PDE4D: variants seen among roughly 807,000 people sequenced by gnomAD.
PDE4D encodes 3',5'-cyclic-AMP phosphodiesterase 4D.
Under a neutral mutation model 87.4 loss-of-function variants are expected in PDE4D, and 24 were observed. The ratio of observed to expected loss-of-function variants is 0.27; its 90% CI spans 0.20 to 0.39. The LOEUF (loss-of-function observed/expected upper bound fraction) is 0.39. PDE4D is among the 10% of genes least tolerant of loss of function. The pLI is 1.00. For synonymous variants in PDE4D, 384 were observed against 383.2 expected (o/e 1.00, Z -0.02); for missense variants, 714 against 1,041.0 (o/e 0.69, Z 4.32).
At chr5:59,528,902 T>C in intron 1 of PDE4D, 1 of 347,748 alleles carries the variant, frequency 2.9e-6, no homozygotes, top group Non-Finnish European at 5.8e-6. Flanking sequence ...CTGGCCACTC[T>C]GCCCTTGACC....
At chr5:59,244,023 T>C (rs1378319413) in intron 1 of PDE4D, among the ~76,000 whole-genome samples, 3 of 152,142 alleles carry the variant, frequency 2.0e-5, no homozygotes, top group Non-Finnish European at 4.4e-5. Flanking sequence ...TTTTATTACA[T>C]GTAAAATGGA....
chr5:59,730,269 G>A (rs891690168), intron 1 of PDE4D, among the ~76,000 whole-genome samples: 1 of 152,056 alleles, frequency 6.6e-6, no homozygotes, highest in Non-Finnish European at 1.5e-5. Flanking sequence ...GTTCCGATAC[G>A]TGCAAAGCTT....
intron 1 of PDE4D, among the ~76,000 whole-genome samples, chr5:59,766,520 T>G (rs1762814652): frequency 6.6e-6 from 1 of 152,232 alleles, no homozygotes; most frequent in South Asian, 2.1e-4. Context: ...AACCTCCAGC[T>G]GAACTCTAGG....
intron 1 of PDE4D, among the ~76,000 whole-genome samples, chr5:60,340,765 AAAC>A (rs1332922728): frequency 6.6e-6 from 1 of 152,226 alleles, no homozygotes; most frequent in Non-Finnish European, 1.5e-5. Flanking sequence ...AGAAGAGTTT[AAAC>A]AATCCAATTA....
intron 2 of PDE4D, among the ~76,000 whole-genome samples, chr5:60,153,153 T>C (rs1386771049): frequency 6.6e-6 from 1 of 152,224 alleles, no homozygotes; most frequent in African/African-American, 2.4e-5. Context: ...ATCCAAAATA[T>C]ATTTGGAACC....
chr5:59,574,123 TATATTTATATATATATATATAA>T (rs1347077698), intron 1 of PDE4D, among the ~76,000 whole-genome samples: 1,102 of 5,952 alleles, frequency 0.19, 34 homozygotes, highest in African/African-American at 0.26. Flanking sequence ...TATATAAATA[TATATTTATATATATATATATAA>T]ATATATATTT....
At chr5:59,310,621 C>T (rs1772396820) in intron 1 of PDE4D, among the ~76,000 whole-genome samples, 2 of 152,168 alleles carry the variant, frequency 1.3e-5, no homozygotes, top group South Asian at 2.1e-4. Context: ...TCTTCCTCTA[C>T]ACTGAGAAGA....
chr5:59,585,308 A>T (rs1392119395), intron 1 of PDE4D, among the ~76,000 whole-genome samples: 1 of 152,200 alleles, frequency 6.6e-6, no homozygotes, highest in Admixed American at 6.5e-5. Context: ...TGGTACCTTA[A>T]GCTCTCAGGG....
At chr5:60,111,871 A>G (rs1777724629) in intron 2 of PDE4D, among the ~76,000 whole-genome samples, 1 of 152,012 alleles carries the variant, frequency 6.6e-6, no homozygotes, top group Non-Finnish European at 1.5e-5. Flanking sequence ...CAAATACTTT[A>G]TTCCCAGACT....
chr5:60,429,851 T>G (rs937160829), intron 1 of PDE4D: 4 of 343,162 alleles, frequency 1.2e-5, no homozygotes, highest in African/African-American at 2.2e-5. Flanking sequence ...TTTTTTTGTT[T>G]TTTTTTTTAA....
At chr5:60,035,841 A>C (rs1162539492) in intron 2 of PDE4D, among the ~76,000 whole-genome samples, 1 of 152,120 alleles carries the variant, frequency 6.6e-6, no homozygotes, top group African/African-American at 2.4e-5. Flanking sequence ...AAAACTCAAT[A>C]CCAAGCTGGG....
At chr5:59,743,740 C>G (rs1262376875) in intron 1 of PDE4D, among the ~76,000 whole-genome samples, 1 of 152,148 alleles carries the variant, frequency 6.6e-6, no homozygotes, top group Non-Finnish European at 1.5e-5. Context: ...AAAGCAGACT[C>G]ATATTGTACA....
chr5:59,490,380 AATGCTTTCAT>A (rs1367491878), intron 1 of PDE4D, among the ~76,000 whole-genome samples: 4 of 152,326 alleles, frequency 2.6e-5, no homozygotes, highest in East Asian at 1.9e-4. Flanking sequence ...TGCTCAGTCA[AATGCTTTCAT>A]ATGCTTTCAT....
intron 1 of PDE4D, among the ~76,000 whole-genome samples, chr5:59,326,583 C>T (rs1162834904): frequency 6.6e-6 from 1 of 151,990 alleles, no homozygotes; most frequent in Non-Finnish European, 1.5e-5. Flanking sequence ...AAAAATCTGG[C>T]TATTAATAAA....
At chr5:60,340,167 T>A (rs183910940) in intron 1 of PDE4D, among the ~76,000 whole-genome samples, 8,095 of 152,326 alleles carry the variant, frequency 0.053, 265 homozygotes, top group Non-Finnish European at 0.075. Flanking sequence ...CGGCGCGATG[T>A]TCAGGGAATC....
At chr5:59,945,912 TAGGGCA>T (rs1280830453) in intron 3 of PDE4D, among the ~76,000 whole-genome samples, 7 of 152,188 alleles carry the variant, frequency 4.6e-5, no homozygotes, top group Non-Finnish European at 1.0e-4. Context: ...CTGTTGATTT[TAGGGCA>T]ATTGTGTAGC....
intron 1 of PDE4D, among the ~76,000 whole-genome samples, chr5:59,757,775 A>G (rs1761459094): frequency 6.6e-6 from 1 of 152,178 alleles, no homozygotes; most frequent in Non-Finnish European, 1.5e-5. Flanking sequence ...TGACTATAAA[A>G]TTATTCTCTG....
chr5:59,413,457 C>CAAAAAAAAA (rs34074485), intron 1 of PDE4D, among the ~76,000 whole-genome samples: 10 of 54,420 alleles, frequency 1.8e-4, no homozygotes, highest in South Asian at 7.5e-4. Context: ...GACTCCATCT[C>CAAAAAAAAA]AAAAAAAAAA....
intron 2 of PDE4D, among the ~76,000 whole-genome samples, chr5:60,105,930 T>C: frequency 6.6e-6 from 1 of 152,184 alleles, no homozygotes; most frequent in Admixed American, 6.5e-5. Flanking sequence ...CCATCGATGC[T>C]AGGAAGAGAC....
Sources: gnomAD v4.1 joint callset for allele counts (sites outside exome capture counted in the v4.1 genomes callset) on GRCh38, gnomAD v4.1.1 for gene constraint, MANE v1.5 for transcripts, NCBI Gene and HGNC (gene_info 2026-07-23, HGNC 2026-07-21) for gene names.